The following SLC15A4 variants were observed in gnomAD, a reference collection of about 807,000 sequenced individuals.
SLC15A4 encodes the protein hPHT1.
In SLC15A4, 26 loss-of-function variants were observed where a neutral mutation model predicts 46.1. The observed-to-expected ratio is 0.56, with a 90% CI of 0.41 to 0.78. The LOEUF (loss-of-function observed/expected upper bound fraction) is 0.78, where lower values mean the gene tolerates loss of function less well. SLC15A4 is among the 30% of genes least tolerant of loss of function. SLC15A4 has a pLI of 0.00. For missense variants in SLC15A4, 751 were observed against 755.7 expected, an observed-to-expected ratio of 0.99 and a Z score of 0.07; for synonymous variants, 370 against 333.4, an observed-to-expected ratio of 1.11 and a Z score of -1.20.
chr12:128,806,902 CTT>C (rs34407311), intron 5 of SLC15A4, among the ~76,000 whole-genome samples: 5 of 108,284 alleles, frequency 4.6e-5, no homozygotes, highest in African/African-American at 1.5e-4. Flanking sequence ...TTTGCTAGCG[CTT>C]TTTTTTTTTT....
Position 128,823,521 on chromosome 12 carries a change from G to A in SLC15A4, c.423C>T (p.Cys141=), listed in dbSNP as rs1160204833. 7 of 1,476,478 alleles carry A rather than the reference G, an allele frequency of 4.7e-6. No individual in the cohort carries two copies. The highest frequency in any genetic ancestry group is 6.2e-6 in the Non-Finnish European group (7 of 1,121,078). 91.5% of individuals were successfully genotyped at this position (1,476,478 alleles called of 1,614,324 possible). Residue 141 remains cysteine (C), a synonymous_variant, in exon 1 of 8, where the codon TGC becomes TGT. Transcript: ENST00000266771. ...ALCGSARLLN[C]TAPGPDAAAR... ...CGGCGGCGTCGGGACCAGGCGCCGT[G>A]CAGTTGAGCAGGCGCGCGGAACCGC...
chr12:128,813,185 A>AT (rs60543357), intron 2 of SLC15A4: 42,838 of 134,332 alleles, frequency 0.32, 7,207 homozygotes, highest in East Asian at 0.45. Context: ...ATGGGGCTAT[A>AT]TTTTTTTTTT....
At chr12:128,794,403 G>A in intron 7 of SLC15A4, 47 bp from the exon 8 acceptor site, 2 of 1,550,518 alleles carry the variant, frequency 1.3e-6, no homozygotes, top group South Asian at 1.2e-5. Context: ...GCTGCTACAG[G>A]TATTTTTTCA....
At chr12:128,804,486 C>G (rs1034423671) in intron 5 of SLC15A4, among the ~76,000 whole-genome samples, 3 of 152,160 alleles carry the variant, frequency 2.0e-5, no homozygotes, top group African/African-American at 7.2e-5. Flanking sequence ...AATCCCAGCA[C>G]TTTGGGAGGC....
chr12:128,823,210 C>G (rs1361003214), intron 1 of SLC15A4, among the ~76,000 whole-genome samples, 188 bp downstream of exon 1: 1 of 152,238 alleles, frequency 6.6e-6, no homozygotes, highest in Non-Finnish European at 1.5e-5. Context: ...AAACCCCTTC[C>G]AGCACCCATC....
At chr12:128,819,902 G>A (rs1331620882) in intron 1 of SLC15A4, 1 of 152,266 alleles carries the variant, frequency 6.6e-6, no homozygotes, top group Non-Finnish European at 1.5e-5. Context: ...TTTTAAGTCA[G>A]GCTGCCAGGG....
chr12:128,808,911 G>A lies in SLC15A4; in HGVS notation c.1135C>T (p.Leu379=). Residue 379 remains leucine (L), a synonymous_variant, in exon 5 of 8, where the codon CTG becomes TTG. Transcript: ENST00000266771. ...AGTTTGTCCTTCAGAGGGATGAGCA[G>A]GAGGATGAGCACAGCATCAAACATG... ...LTMFDAVLIL[L]LIPLKDKLVD... The A allele has an allele frequency of 6.2e-7, 1 of 1,614,248 alleles. No individual in the cohort carries two copies. The highest frequency in any genetic ancestry group is 8.5e-7 in the Non-Finnish European group (1 of 1,180,038).
chr12:128,801,124 G>GACC, intron 5 of SLC15A4, 115 bp from the exon 6 acceptor site: 1 of 975,436 alleles, frequency 1.0e-6, no homozygotes, highest in Non-Finnish European at 1.5e-6. Flanking sequence ...TGCGTGAAAG[G>GACC]ACCACGTCTA....
intron 6 of SLC15A4, 101 bp downstream of exon 6, chr12:128,800,753 G>A (rs1234420439): frequency 3.2e-6 from 4 of 1,262,368 alleles, no homozygotes; most frequent in Non-Finnish European, 2.1e-6. Context: ...CAGAAGTGCT[G>A]TGCTATCCTT....
chr12:128,809,463 G>A lies in SLC15A4; in HGVS notation c.1022C>T (p.Thr341Ile), dbSNP rs1174801285. The change falls in exon 4 of 8, where the codon ACA (threonine) becomes ATA (isoleucine). Residue 341 changes from threonine to isoleucine, a missense_variant. Physicochemically the swap from Thr to Ile is moderately conservative, Grantham distance 89. Transcript: ENST00000266771. ...CAAATGAAGACTCTGTAAAACATATGTTGTCTGCATCTAGGTATAAAAAAC... is the reference window on the plus strand; with the variant it reads ...CAAATGAAGACTCTGTAAAACATATATTGTCTGCATCTAGGTATAAAAAAC... ...YWTVYFQMQT[T>I]YVLQSLHLRI... 2.5e-6 allele frequency: 4 copies of A among 1,605,276 alleles called. No individual in the cohort carries two copies. In the Admixed American group the frequency reaches 5.2e-5, roughly 21 times the overall value.
intron 5 of SLC15A4, among the ~76,000 whole-genome samples, chr12:128,804,269 A>AT (rs1294635900): frequency 6.6e-6 from 1 of 152,264 alleles, no homozygotes. Flanking sequence ...ATTCTCTGAA[A>AT]TTAGTCTTAG....
chr12:128,816,795 C>G (rs935524730), intron 1 of SLC15A4, among the ~76,000 whole-genome samples: 1 of 152,060 alleles, frequency 6.6e-6, no homozygotes, highest in Non-Finnish European at 1.5e-5. Context: ...CACCACTGCA[C>G]TCCTGCCTAA....
At chr12:128,807,441 T>C (rs1231483687) in intron 5 of SLC15A4, among the ~76,000 whole-genome samples, 1 of 152,218 alleles carries the variant, frequency 6.6e-6, no homozygotes, top group African/African-American at 2.4e-5. Context: ...ACGTCTCCTT[T>C]CCCACAGGGA....
At position 128,794,049 on chromosome 12, in the gene SLC15A4, G is replaced by C; in HGVS notation, c.*147C>G. On this transcript the variant is annotated 3_prime_UTR_variant, in exon 8 of 8. Transcript: ENST00000266771. ...GGCACTTACCAAGCTCCTTTGGATA[G>C]AGGGAAAGAAGAAATCAATCCAGGC... 4.9e-6 allele frequency: 4 copies of C among 814,870 alleles called. No homozygotes were observed. The highest frequency in any genetic ancestry group is 7.5e-6 in the Non-Finnish European group (4 of 531,092). 50.5% of individuals were successfully genotyped at this position (814,870 alleles called of 1,614,324 possible).
chr12:128,808,778 T>G lies in SLC15A4; in HGVS notation c.1258+10A>C, dbSNP rs771022935. Reference sequence around the variant, plus strand: ...GGGCCTGAGGAGGAACGGAGCAGAATGCCTCTTACCTGCAGCAAAGGCCGA... The same window carrying G: ...GGGCCTGAGGAGGAACGGAGCAGAAGGCCTCTTACCTGCAGCAAAGGCCGA... On this transcript the variant is annotated intron_variant, in intron 5 of 7. Transcript: ENST00000266771. 1.9e-6 allele frequency: 3 copies of G among 1,613,814 alleles called. No individual in the cohort carries two copies. Among genetic ancestry groups the G allele is most frequent in the Non-Finnish European group, 2.5e-6 (3 of 1,179,866 alleles).
intron 7 of SLC15A4, among the ~76,000 whole-genome samples, chr12:128,794,923 C>G (rs532635349): frequency 6.3e-4 from 96 of 152,294 alleles, no homozygotes; most frequent in Non-Finnish European, 1.2e-3. Context: ...TTATTTCCTT[C>G]CTGCCTTTTC....
In SLC15A4 at chr12:128,823,572, G is replaced by A. The variant is rs1272202541; in HGVS notation, c.372C>T (p.Ala124=). 4 of 1,442,152 alleles carry A rather than the reference G, an allele frequency of 2.8e-6. No individual in the cohort carries two copies. Among genetic ancestry groups the A allele is most frequent in the Non-Finnish European group, 3.6e-6 (4 of 1,105,414 alleles). The allele number at this position is 1,442,152 out of a possible 1,614,324, so 89.3% of individuals were successfully genotyped here. A position where few individuals can be genotyped will look rare whatever the true frequency, so the allele number is the denominator to read the frequency against. ...LLGMLAFPLL[A]APATRAALCG... is the part of the protein sequence containing the mutation. ...AGAGCGCGGCTCGCGTGGCGGGCGC[G>A]GCCAGCAGCGGGAAGGCCAGCATGC... The change falls in exon 1 of 8, where the codon GCC becomes GCT. Residue 124 remains alanine (A), a synonymous_variant. Transcript: ENST00000266771.
At chr12:128,794,994 T>C (rs1405782623) in intron 7 of SLC15A4, among the ~76,000 whole-genome samples, 2 of 152,192 alleles carry the variant, frequency 1.3e-5, no homozygotes, top group African/African-American at 4.8e-5. Flanking sequence ...TAGTTATGAT[T>C]GGCCTGGAAC....
intron 5 of SLC15A4, among the ~76,000 whole-genome samples, chr12:128,802,103 T>G (rs918621321): frequency 1.3e-5 from 2 of 151,342 alleles, no homozygotes; most frequent in African/African-American, 4.9e-5. Context: ...CCTGGAAGAG[T>G]GTCAAGGGAA....
Sources: gnomAD v4.1 joint callset for allele counts (sites outside exome capture counted in the v4.1 genomes callset) on GRCh38, gnomAD v4.1.1 for gene constraint, MANE v1.5 for transcripts, NCBI Gene and HGNC (gene_info 2026-07-23, HGNC 2026-07-21) for gene names.